Variants in PPFIA2 observed in about 807,000 individuals in gnomAD.
PPFIA2 encodes liprin-alpha-2.
In PPFIA2, 46 loss-of-function variants were observed where a neutral mutation model predicts 175.5. The observed-to-expected ratio is 0.26, with a 90% confidence interval of 0.21 to 0.34. The LOEUF is 0.34. Ranked by LOEUF, PPFIA2 falls within the 10% of genes least tolerant of loss-of-function variation. The pLI is 1.00. For missense variants in PPFIA2, 1,179 were observed against 1,506.1 expected (o/e 0.78, Z 3.60); for synonymous variants, 568 against 511.4 (o/e 1.11, Z -1.49).
At chr12:81,270,530 G>C (rs192337506) in intron 28 of PPFIA2, 1 of 152,182 alleles carries the variant, frequency 6.6e-6, no homozygotes, top group African/African-American at 2.4e-5. Flanking sequence ...TGCACACATG[G>C]AGAGCATTAT....
chr12:81,349,804 A>G (rs1193257675), intron 17 of PPFIA2, among the ~76,000 whole-genome samples: 1 of 152,168 alleles, frequency 6.6e-6, no homozygotes, highest in Non-Finnish European at 1.5e-5. Context: ...CTATAAAAGC[A>G]CAGATGAATG....
At chr12:81,531,409 C>G (rs904943766) in intron 4 of PPFIA2, among the ~76,000 whole-genome samples, 1 of 151,422 alleles carries the variant, frequency 6.6e-6, no homozygotes, top group Middle Eastern at 3.2e-3. Context: ...ATCACACATG[C>G]AGAAAAAAGG....
At chr12:81,512,386 C>T in intron 4 of PPFIA2, 1 of 1,284,474 alleles carries the variant, frequency 7.8e-7, no homozygotes, top group Non-Finnish European at 1.0e-6. Context: ...GAGCATTCTA[C>T]CTTCTAAACT....
chr12:81,379,489 T>C (rs1177704593), intron 9 of PPFIA2, among the ~76,000 whole-genome samples: 2 of 152,172 alleles, frequency 1.3e-5, no homozygotes, highest in Non-Finnish European at 2.9e-5. Flanking sequence ...AAATACAGGA[T>C]GGTTTTATTC....
intron 4 of PPFIA2, among the ~76,000 whole-genome samples, chr12:81,482,727 G>T (rs1243142490): frequency 6.6e-6 from 1 of 152,124 alleles, no homozygotes; most frequent in African/African-American, 2.4e-5. Context: ...TCACACACTG[G>T]ATCCTGTCAG....
intron 3 of PPFIA2, among the ~76,000 whole-genome samples, chr12:81,728,679 T>C (rs1174593984): frequency 6.6e-6 from 1 of 151,494 alleles, no homozygotes; most frequent in Admixed American, 6.6e-5. Context: ...ACTGTTGTTT[T>C]GCAGAACCAA....
chr12:81,554,685 T>C (rs1304086177), intron 4 of PPFIA2, among the ~76,000 whole-genome samples: 4 of 152,070 alleles, frequency 2.6e-5, no homozygotes, highest in Non-Finnish European at 5.9e-5. Flanking sequence ...TGAGGTGTAG[T>C]GAATAGTTTC....
intron 4 of PPFIA2, among the ~76,000 whole-genome samples, chr12:81,658,328 G>A (rs2068135911): frequency 1.3e-5 from 2 of 150,574 alleles, no homozygotes; most frequent in South Asian, 2.1e-4. Context: ...CAATTAGAGT[G>A]CAAAAATTTA....
chr12:81,728,470 A>G (rs1225989745), intron 3 of PPFIA2, among the ~76,000 whole-genome samples: 1 of 151,394 alleles, frequency 6.6e-6, no homozygotes, highest in African/African-American at 2.4e-5. Context: ...ACTACAGCAT[A>G]ATTTTAAATA....
intron 5 of PPFIA2, among the ~76,000 whole-genome samples, chr12:81,446,200 CAATT>C (rs1349471600): frequency 6.6e-6 from 1 of 152,144 alleles, no homozygotes; most frequent in African/African-American, 2.4e-5. Context: ...GTTTTATTCA[CAATT>C]AGTCTTTAGA....
intron 11 of PPFIA2, among the ~76,000 whole-genome samples, chr12:81,373,770 C>T (rs535357423): frequency 6.6e-6 from 1 of 151,988 alleles, no homozygotes; most frequent in Non-Finnish European, 1.5e-5. Flanking sequence ...TTGGGTAAAT[C>T]CTAATCCCGT....
At chr12:81,694,561 T>C (rs920266333) in intron 3 of PPFIA2, among the ~76,000 whole-genome samples, 2 of 152,150 alleles carry the variant, frequency 1.3e-5, no homozygotes, top group African/African-American at 4.8e-5. Context: ...AGAGGATGTA[T>C]TGAATAGCCT....
intron 9 of PPFIA2, among the ~76,000 whole-genome samples, chr12:81,383,155 T>G (rs1243573741): frequency 1.3e-5 from 2 of 152,000 alleles, no homozygotes; most frequent in Non-Finnish European, 2.9e-5. Flanking sequence ...AAGATACAAT[T>G]GGCTTACGAG....
intron 4 of PPFIA2, among the ~76,000 whole-genome samples, chr12:81,562,672 C>A (rs1180979307): frequency 1.3e-5 from 2 of 150,266 alleles, no homozygotes; most frequent in Non-Finnish European, 3.0e-5. Flanking sequence ...ACGGTGAAAC[C>A]CCGTCTCTAC....
intron 4 of PPFIA2, among the ~76,000 whole-genome samples, chr12:81,533,352 G>T (rs944238228): frequency 1.3e-5 from 2 of 151,468 alleles, no homozygotes; most frequent in Admixed American, 1.3e-4. Context: ...TCAAATTTAT[G>T]CATATATTTT....
intron 4 of PPFIA2, chr12:81,512,342 T>C (rs1039839755): frequency 7.8e-7 from 1 of 1,288,780 alleles, no homozygotes; most frequent in Middle Eastern, 2.1e-4. Flanking sequence ...ATCTCTTATG[T>C]ACCTGCAGCC....
chr12:81,748,533 A>G (rs533219522), intron 3 of PPFIA2, among the ~76,000 whole-genome samples: 3 of 144,700 alleles, frequency 2.1e-5, no homozygotes, highest in African/African-American at 7.3e-5. Flanking sequence ...GATTAGACAC[A>G]TGGCATAGAG....
chr12:81,692,665 G>A (rs1019330374), intron 3 of PPFIA2, among the ~76,000 whole-genome samples: 18 of 152,060 alleles, frequency 1.2e-4, no homozygotes, highest in African/African-American at 3.9e-4. Flanking sequence ...GCAAAGCGAT[G>A]TTAGAAAAAC....
chr12:81,536,710 T>TG (rs1836839701), intron 4 of PPFIA2, among the ~76,000 whole-genome samples: 4 of 141,410 alleles, frequency 2.8e-5, no homozygotes, highest in African/African-American at 1.1e-4. Context: ...ATATAGCATG[T>TG]AATATACATA....
Sources: gnomAD v4.1 joint callset for allele counts (sites outside exome capture counted in the v4.1 genomes callset) on GRCh38, gnomAD v4.1.1 for gene constraint, MANE v1.5 for transcripts, NCBI Gene and HGNC (gene_info 2026-07-23, HGNC 2026-07-21) for gene names.